Variants in NPAS3 observed in about 807,000 individuals in gnomAD.
NPAS3 encodes the protein neuronal PAS domain protein 3.
Under a neutral mutation model 73.1 loss-of-function variants are expected in NPAS3, and 14 were observed. The ratio of observed to expected loss-of-function variants is 0.19; its 90% CI spans 0.13 to 0.30. The LOEUF is 0.30. Ranked by LOEUF, NPAS3 falls within the 10% of genes least tolerant of loss-of-function variation. The pLI is 1.00. For synonymous variants in NPAS3, 620 were observed against 541.5 expected (o/e 1.14, Z -2.01); for missense variants, 1,096 against 1,250.0 (o/e 0.88, Z 1.86).
At chr14:33,181,729 A>C (rs2045805540) in intron 2 of NPAS3, among the ~76,000 whole-genome samples, 1 of 152,184 alleles carries the variant, frequency 6.6e-6, no homozygotes, top group Non-Finnish European at 1.5e-5. Context: ...CAAGTGACAA[A>C]AGTGGAATGT....
intron 4 of NPAS3, among the ~76,000 whole-genome samples, chr14:33,438,411 G>A (rs140801418): frequency 3.3e-5 from 5 of 152,280 alleles, no homozygotes; most frequent in Non-Finnish European, 7.4e-5. Context: ...CTGGCCGAAT[G>A]GGGGAAGCAC....
At chr14:33,217,835 T>C (rs1266662688) in intron 3 of NPAS3, among the ~76,000 whole-genome samples, 2 of 152,194 alleles carry the variant, frequency 1.3e-5, no homozygotes, top group Non-Finnish European at 2.9e-5. Context: ...GACTTTGCAA[T>C]TCAGCGTTAG....
chr14:33,135,747 G>T (rs1390897808), intron 2 of NPAS3, among the ~76,000 whole-genome samples: 1 of 152,096 alleles, frequency 6.6e-6, no homozygotes, highest in Non-Finnish European at 1.5e-5. Flanking sequence ...AAGACCAAAA[G>T]AAACAATAAA....
chr14:33,703,537 A>G (rs148659186), intron 6 of NPAS3, among the ~76,000 whole-genome samples: 2 of 152,058 alleles, frequency 1.3e-5, no homozygotes, highest in Admixed American at 6.6e-5. Context: ...TTATTCTCAT[A>G]AGTCTTAATT....
chr14:32,941,079 G>A (rs914990050), intron 1 of NPAS3, among the ~76,000 whole-genome samples: 6 of 152,080 alleles, frequency 3.9e-5, no homozygotes, highest in African/African-American at 1.4e-4. Flanking sequence ...CTTTACTCTT[G>A]TAGTAGAAAA....
At chr14:33,391,933 A>G (rs1452773093) in intron 4 of NPAS3, among the ~76,000 whole-genome samples, 1 of 152,222 alleles carries the variant, frequency 6.6e-6, no homozygotes, top group Non-Finnish European at 1.5e-5. Context: ...AGAGAATGGT[A>G]TTGATGAAGA....
At chr14:33,696,866 A>G (rs2060398299) in intron 6 of NPAS3, among the ~76,000 whole-genome samples, 1 of 152,194 alleles carries the variant, frequency 6.6e-6, no homozygotes, top group African/African-American at 2.4e-5. Context: ...TGCATCTAGA[A>G]TCTGCTGAAC....
Position 33,453,257 on chromosome 14 carries a change from G to T in NPAS3, c.468+85989G>T, listed in dbSNP as rs1026385908. On this transcript the variant is annotated intron_variant, in intron 4 of 11. Coordinates refer to ENST00000356141, the Ensembl canonical transcript of NPAS3. ...AAAGCTGGCAAAATGACATTCCCTG[G>T]TGTGATTGAGTTTTAATGTAAGATT... Among the ~76,000 whole-genome samples, 5 of 152,174 alleles carry T rather than the reference G, an allele frequency of 3.3e-5. No individual in the cohort carries two copies. In the East Asian group the frequency reaches 9.6e-4, roughly 29 times the overall value.
intron 4 of NPAS3, among the ~76,000 whole-genome samples, chr14:33,502,393 T>C (rs2052560616): frequency 6.6e-6 from 1 of 151,834 alleles, no homozygotes; most frequent in Non-Finnish European, 1.5e-5. Flanking sequence ...ATCATCCTCA[T>C]TGCTGTTAGC....
intron 2 of NPAS3, among the ~76,000 whole-genome samples, chr14:33,129,602 C>A (rs576040902): frequency 3.0e-4 from 46 of 152,212 alleles, no homozygotes; most frequent in African/African-American, 1.0e-3. Flanking sequence ...ATCTTCCACA[C>A]ATTTTAGTCT....
intron 2 of NPAS3, among the ~76,000 whole-genome samples, chr14:33,127,397 C>T (rs557986513): frequency 3.4e-4 from 52 of 152,028 alleles, no homozygotes; most frequent in African/African-American, 1.2e-3. Flanking sequence ...CTTATTTTAC[C>T]TTTAATCTTT....
At chr14:33,098,826 C>T (rs2138870771) in intron 2 of NPAS3, among the ~76,000 whole-genome samples, 1 of 152,262 alleles carries the variant, frequency 6.6e-6, no homozygotes, top group Middle Eastern at 3.4e-3. Flanking sequence ...CTCCCATTTT[C>T]CTTAAGAGTG....
At chr14:33,215,073 G>C in intron 2 of NPAS3, 109 bp from the exon 3 acceptor site, 1 of 1,195,950 alleles carries the variant, frequency 8.4e-7, no homozygotes, top group Admixed American at 2.2e-5. Flanking sequence ...TTTTGAAATA[G>C]TTTTTGGTAG....
intron 2 of NPAS3, among the ~76,000 whole-genome samples, chr14:33,189,552 A>C (rs2139495930): frequency 6.6e-6 from 1 of 152,298 alleles, no homozygotes; most frequent in Middle Eastern, 3.4e-3. Flanking sequence ...ATACCTTAGA[A>C]CACAAAAGAA....
At chr14:33,281,631 C>A (rs1285488248) in intron 3 of NPAS3, among the ~76,000 whole-genome samples, 1 of 151,906 alleles carries the variant, frequency 6.6e-6, no homozygotes, top group African/African-American at 2.4e-5. Context: ...GACTCCACCT[C>A]AAAAAAAATT....
chr14:33,459,720 C>T (rs749446426), intron 4 of NPAS3, among the ~76,000 whole-genome samples: 7 of 152,182 alleles, frequency 4.6e-5, no homozygotes, highest in Non-Finnish European at 1.0e-4. Flanking sequence ...AGCAGCATAT[C>T]GTATTTTGAA....
intron 4 of NPAS3, among the ~76,000 whole-genome samples, chr14:33,531,718 G>C (rs1478101606): frequency 6.6e-6 from 1 of 151,906 alleles, no homozygotes; most frequent in Non-Finnish European, 1.5e-5. Context: ...TGCATTACGT[G>C]GTGTGTGTGT....
chr14:33,491,241 A>T (rs2051879643), intron 4 of NPAS3, among the ~76,000 whole-genome samples: 1 of 152,058 alleles, frequency 6.6e-6, no homozygotes, highest in Non-Finnish European at 1.5e-5. Flanking sequence ...TGAACATTTA[A>T]AGTTTTTTTT....
At chr14:33,324,350 T>A (rs2043594028) in intron 3 of NPAS3, among the ~76,000 whole-genome samples, 1 of 152,188 alleles carries the variant, frequency 6.6e-6, no homozygotes. Context: ...CTTGCCAATT[T>A]CCCATTAAAT....
Sources: allele counts gnomAD v4.1 joint callset (sites outside exome capture counted in the v4.1 genomes callset), GRCh38; gene constraint gnomAD v4.1.1; transcripts MANE v1.5; gene names NCBI Gene and HGNC (gene_info 2026-07-23, HGNC 2026-07-21).